RAB6B: variants seen among roughly 807,000 people sequenced by gnomAD.
The protein encoded by RAB6B is ras-related protein Rab-6B.
In RAB6B, 7 loss-of-function variants were observed where a neutral mutation model predicts 31.2. The observed-to-expected ratio is 0.22, with a 90% CI of 0.13 to 0.42. The LOEUF is 0.42. Ranked by LOEUF, RAB6B falls within the 10% of genes least tolerant of loss-of-function variation. The pLI is 1.00. For synonymous variants in RAB6B, 105 were observed against 104.9 expected (o/e 1.00, Z -0.01); for missense variants, 149 against 280.6 (o/e 0.53, Z 3.35).
chr3:133,891,730 G>T (rs951611310), intron 1 of RAB6B, among the ~76,000 whole-genome samples: 4 of 152,208 alleles, frequency 2.6e-5, no homozygotes, highest in Non-Finnish European at 5.9e-5. Flanking sequence ...GCAACAAAAA[G>T]GCAGCTGCCT....
At chr3:133,833,457 T>C (rs1221678033) in intron 7 of RAB6B, among the ~76,000 whole-genome samples, 1 of 152,094 alleles carries the variant, frequency 6.6e-6, no homozygotes, top group Non-Finnish European at 1.5e-5. Context: ...GTCTCGAGTC[T>C]GCTCTGAGAG....
In RAB6B at chr3:133,841,298, C is replaced by T. The variant is rs765606417; in HGVS notation, c.276G>A (p.Val92=). Residue 92 remains valine (V), a synonymous_variant, in exon 4 of 8, where the codon GTG becomes GTA. Transcript: ENST00000285208. ...YIRDSTVAVV[V]YDITNLNSFQ... is the part of the protein sequence containing the mutation. ...AGCCTCACTCACTTGTGATGTCGTA[C>T]ACCACCACAGCCACCGTGGAGTCCC... 1.2e-6 allele frequency: 2 copies of T among 1,614,164 alleles called. No individual in the cohort carries two copies. The highest frequency in any genetic ancestry group is 1.7e-6 in the Non-Finnish European group (2 of 1,180,006).
At position 133,895,543 on chromosome 3, in the gene RAB6B, G is replaced by A; in HGVS notation, c.-77C>T. ...AGGGAGGGGAGAGTAGGAGGGCGAG[G>A]GGAGGCGGCCGGCGGTGCGGGAGCC... is the stretch of plus-strand genomic sequence containing the variant. On this transcript the variant is annotated 5_prime_UTR_variant, in exon 1 of 8. Transcript: ENST00000285208. The A allele has an allele frequency of 4.0e-6, 6 of 1,487,436 alleles. No homozygotes were observed. In the South Asian group the frequency reaches 4.7e-5, roughly 12 times the overall value. The allele number at this position is 1,487,436 out of a possible 1,614,324, so 92.1% of individuals were successfully genotyped here.
In RAB6B at chr3:133,827,746, A is replaced by ACCCC. The variant is rs55951806; in HGVS notation, c.*1038_*1041dup. ...TCAAGGTGGTGGTTCTGCAGACAAC[A>ACCCC]CCCCCCCCCCCCCCCGCCTCCCCAT... On this transcript the variant is annotated 3_prime_UTR_variant, in exon 8 of 8. Transcript: ENST00000285208. 19 of 73,662 alleles carry ACCCC rather than the reference A, an allele frequency of 2.6e-4. 7 individuals are homozygous for ACCCC. The highest frequency in any genetic ancestry group is 5.9e-4 in the South Asian group (5 of 8,442). The allele number at this position is 73,662 out of a possible 1,614,324, so 4.6% of individuals were successfully genotyped here.
chr3:133,880,174 C>T (rs1430359398), intron 1 of RAB6B, among the ~76,000 whole-genome samples: 1 of 152,224 alleles, frequency 6.6e-6, no homozygotes, highest in Non-Finnish European at 1.5e-5. Flanking sequence ...GCTTATTTAA[C>T]TGACAGAAGT....
intron 1 of RAB6B, among the ~76,000 whole-genome samples, chr3:133,875,586 T>C (rs2715620): frequency 0.16 from 24,877 of 152,186 alleles, 2,697 homozygotes; most frequent in African/African-American, 0.31. Flanking sequence ...AGCCTGCACA[T>C]CAGTCTTGGC....
intron 1 of RAB6B, among the ~76,000 whole-genome samples, chr3:133,875,895 C>T (rs1292688258): frequency 6.6e-6 from 1 of 152,168 alleles, no homozygotes; most frequent in Non-Finnish European, 1.5e-5. Flanking sequence ...CAGAGGAGAA[C>T]CGAACGCACT....
intron 1 of RAB6B, among the ~76,000 whole-genome samples, chr3:133,871,616 A>G (rs1936324884): frequency 6.6e-6 from 1 of 152,204 alleles, no homozygotes; most frequent in Non-Finnish European, 1.5e-5. Flanking sequence ...CTCCACTGAC[A>G]CTGCCTCCCT....
chr3:133,827,548 C>T lies in RAB6B; in HGVS notation c.*1240G>A. The stretch of plus-strand genomic sequence containing the variant: ...TGGGGGCAAGCAGCCTTCTGGAGAC[C>T]CCACCTGAACCACATCCTCAGGTGA... On this transcript the variant is annotated 3_prime_UTR_variant, in exon 8 of 8. Transcript: ENST00000285208. 4.2e-6 allele frequency: 1 copy of T among 237,918 alleles called. No homozygotes were observed. The highest frequency in any genetic ancestry group is 8.1e-6 in the Non-Finnish European group (1 of 123,434). The allele number at this position is 237,918 out of a possible 1,614,324, so 14.7% of individuals were successfully genotyped here.
intron 1 of RAB6B, among the ~76,000 whole-genome samples, chr3:133,890,569 T>C (rs557114914): frequency 6.6e-5 from 10 of 152,172 alleles, no homozygotes; most frequent in South Asian, 2.1e-4. Context: ...TCTTAAGATA[T>C]TGCTGGTAAA....
At chr3:133,837,491 CTGAG>C (rs1475444844) in intron 6 of RAB6B, among the ~76,000 whole-genome samples, 1 of 152,180 alleles carries the variant, frequency 6.6e-6, no homozygotes, top group African/African-American at 2.4e-5. Flanking sequence ...GCTAATGTGA[CTGAG>C]TGTCATTGCC....
At chr3:133,843,153 G>A (rs1935860269) in intron 2 of RAB6B, among the ~76,000 whole-genome samples, 1 of 152,202 alleles carries the variant, frequency 6.6e-6, no homozygotes. Flanking sequence ...TCTACGCTCT[G>A]GAGCATACGA....
At chr3:133,857,357 G>C (rs1045674045) in intron 2 of RAB6B, among the ~76,000 whole-genome samples, 6 of 148,276 alleles carry the variant, frequency 4.0e-5, no homozygotes, top group African/African-American at 1.5e-4. Flanking sequence ...AAACTAAAAA[G>C]CTCGGCCAGG....
intron 1 of RAB6B, among the ~76,000 whole-genome samples, chr3:133,878,436 G>A (rs1002877007): frequency 1.3e-5 from 2 of 152,090 alleles, no homozygotes; most frequent in Non-Finnish European, 2.9e-5. Context: ...CTATGTCCAG[G>A]GACAACATCT....
At chr3:133,879,880 A>G (rs1038825972) in intron 1 of RAB6B, among the ~76,000 whole-genome samples, 3 of 152,232 alleles carry the variant, frequency 2.0e-5, no homozygotes, top group African/African-American at 7.2e-5. Context: ...CATAGCTCAG[A>G]GAACAAGAGT....
chr3:133,856,956 T>C (rs1023264619), intron 2 of RAB6B, among the ~76,000 whole-genome samples: 8 of 152,168 alleles, frequency 5.3e-5, no homozygotes, highest in African/African-American at 1.9e-4. Context: ...ATATAAAAAA[T>C]ATCCTCATGT....
At position 133,827,897 on chromosome 3, in the gene RAB6B, T is replaced by C; in HGVS notation, c.*891A>G. ...TGGCCCAGGCATGTGTACTGACTGCTGGGTGGGCTGGTTAAAATATTTTCA... is the reference window on the plus strand; with the variant it reads ...TGGCCCAGGCATGTGTACTGACTGCCGGGTGGGCTGGTTAAAATATTTTCA... On this transcript the variant is annotated 3_prime_UTR_variant, in exon 8 of 8. Coordinates refer to ENST00000285208, the MANE Select transcript of RAB6B (RefSeq NM_016577.4). 1.4e-6 allele frequency: 1 copy of C among 702,926 alleles called. No homozygotes were observed. The highest frequency in any genetic ancestry group is 2.6e-6 in the Non-Finnish European group (1 of 384,994). The allele number at this position is 702,926 out of a possible 1,614,324, so 43.5% of individuals were successfully genotyped here. A position where few individuals can be genotyped will look rare whatever the true frequency, so the allele number is the denominator to read the frequency against.
chr3:133,841,774 G>T, intron 2 of RAB6B, 111 bp from the exon 3 acceptor site: 1 of 1,024,358 alleles, frequency 9.8e-7, no homozygotes, highest in Non-Finnish European at 1.5e-6. Flanking sequence ...GCTCATGTCA[G>T]GTCTAATGTG....
chr3:133,868,440 C>T (rs1431439604), intron 1 of RAB6B, among the ~76,000 whole-genome samples: 3 of 152,202 alleles, frequency 2.0e-5, no homozygotes, highest in Non-Finnish European at 2.9e-5. Flanking sequence ...CCCCCTGCCT[C>T]GCAACAGCTG....
Sources: gnomAD v4.1 joint callset for allele counts (sites outside exome capture counted in the v4.1 genomes callset) on GRCh38, gnomAD v4.1.1 for gene constraint, MANE v1.5 for transcripts, NCBI Gene and HGNC (gene_info 2026-07-23, HGNC 2026-07-21) for gene names.